Variants in ASCC3 observed in about 807,000 individuals in gnomAD.
ASCC3 encodes activating signal cointegrator 1 complex subunit 3.
A neutral mutation model predicts 256.3 loss-of-function variants in ASCC3; 158 were observed. The observed-to-expected ratio is 0.62, with a 90% CI of 0.54 to 0.70. The LOEUF is 0.70. Ranked by LOEUF, ASCC3 falls within the 30% of genes least tolerant of loss-of-function variation. The probability of loss-of-function intolerance (pLI) is 0.00; values close to 1 mark genes in which losing one functional copy is unlikely to be tolerated. For synonymous variants in ASCC3, 948 were observed against 883.4 expected, an observed-to-expected ratio of 1.07 and a Z score of -1.30; for missense variants, 2,259 against 2,626.0, an observed-to-expected ratio of 0.86 and a Z score of 3.05.
chr6:100,665,828 A>T lies in ASCC3; in HGVS notation c.2287-3292T>A, dbSNP rs546642900. ...TGTTCCTCATGTGATTTTAAAAATC[A>T]TCATAAAGCAAAACTATTTTTCCAC... On this transcript the variant is annotated intron_variant, in intron 14 of 41. Transcript: ENST00000369162. Among the ~76,000 whole-genome samples, 14 of 152,206 alleles carry T rather than the reference A, an allele frequency of 9.2e-5. No individual in the cohort carries two copies. The South Asian group carries it at 2.5e-3, about 27-fold the overall frequency.
chr6:100,726,914 A>G (rs1346456464), intron 10 of ASCC3, among the ~76,000 whole-genome samples: 3 of 152,038 alleles, frequency 2.0e-5, no homozygotes, highest in Non-Finnish European at 4.4e-5. Context: ...AACTGTTCCA[A>G]CTTTAGCCTG....
At chr6:100,706,133 G>C (rs546367948) in intron 13 of ASCC3, among the ~76,000 whole-genome samples, 1 of 151,816 alleles carries the variant, frequency 6.6e-6, no homozygotes, top group East Asian at 1.9e-4. Flanking sequence ...AGACTTCTCA[G>C]TCATCAGAGT....
At chr6:100,563,426 C>T (rs1158286154) in intron 36 of ASCC3, among the ~76,000 whole-genome samples, 1 of 152,260 alleles carries the variant, frequency 6.6e-6, no homozygotes, top group East Asian at 1.9e-4. Flanking sequence ...ATACGATTCA[C>T]CTCCTACTTG....
At chr6:100,673,986 T>C (rs1231268632) in intron 14 of ASCC3, among the ~76,000 whole-genome samples, 1 of 152,204 alleles carries the variant, frequency 6.6e-6, no homozygotes, top group Non-Finnish European at 1.5e-5. Flanking sequence ...TTAAAATTAC[T>C]GGCTTGAATT....
At chr6:100,877,117 T>C (rs998900314) in intron 1 of ASCC3, among the ~76,000 whole-genome samples, 1 of 152,174 alleles carries the variant, frequency 6.6e-6, no homozygotes, top group Non-Finnish European at 1.5e-5. Flanking sequence ...TAGGAAAAGA[T>C]AGTTACTGTA....
At chr6:100,761,403 G>A (rs184004325) in intron 10 of ASCC3, among the ~76,000 whole-genome samples, 19 of 152,246 alleles carry the variant, frequency 1.2e-4, no homozygotes, top group African/African-American at 3.9e-4. Context: ...GGAGAGGATC[G>A]CTTGAGCTCA....
chr6:100,821,569 T>C (rs917198546), intron 4 of ASCC3, among the ~76,000 whole-genome samples: 1 of 152,118 alleles, frequency 6.6e-6, no homozygotes, highest in Non-Finnish European at 1.5e-5. Flanking sequence ...TTCACGCCTA[T>C]AATCTCAGCA....
At chr6:100,642,157 G>T (rs1324685936) in intron 24 of ASCC3, among the ~76,000 whole-genome samples, 1 of 147,910 alleles carries the variant, frequency 6.8e-6, no homozygotes, top group Non-Finnish European at 1.5e-5. Context: ...AAAAGTTAAA[G>T]TATTAAAAAA....
chr6:100,798,985 C>T, intron 7 of ASCC3, 147 bp from the exon 8 acceptor site: 1 of 768,546 alleles, frequency 1.3e-6, no homozygotes, highest in East Asian at 2.9e-5. Flanking sequence ...AGAAAACAAA[C>T]TTAAATAAAA....
At chr6:100,555,034 G>C (rs1769497682) in intron 36 of ASCC3, among the ~76,000 whole-genome samples, 1 of 150,964 alleles carries the variant, frequency 6.6e-6, no homozygotes. Context: ...TAAAATAAAA[G>C]ACTATTATAA....
At chr6:100,672,795 C>A (rs1776815058) in intron 14 of ASCC3, among the ~76,000 whole-genome samples, 2 of 152,142 alleles carry the variant, frequency 1.3e-5, no homozygotes, top group South Asian at 4.2e-4. Context: ...AGAATGGTTT[C>A]TGTTCCTTTT....
At chr6:100,768,293 CA>C (rs1265338194) in intron 8 of ASCC3, among the ~76,000 whole-genome samples, 1 of 151,908 alleles carries the variant, frequency 6.6e-6, no homozygotes, top group East Asian at 1.9e-4. Context: ...TCCCTTTAAT[CA>C]AAAAGAAACT....
intron 10 of ASCC3, among the ~76,000 whole-genome samples, chr6:100,750,983 G>T (rs901148921): frequency 2.6e-5 from 4 of 152,110 alleles, no homozygotes; most frequent in Admixed American, 2.0e-4. Context: ...CATACTGTGA[G>T]GAATTTTACA....
At chr6:100,581,565 T>C (rs1385044343) in intron 36 of ASCC3, among the ~76,000 whole-genome samples, 1 of 150,702 alleles carries the variant, frequency 6.6e-6, no homozygotes, top group Admixed American at 6.6e-5. Flanking sequence ...TTTCTTTTGC[T>C]GTGCAGAAGC....
chr6:100,542,614 A>T (rs1376450589), intron 36 of ASCC3, among the ~76,000 whole-genome samples: 1 of 151,902 alleles, frequency 6.6e-6, no homozygotes, highest in East Asian at 1.9e-4. Flanking sequence ...CTCGGGAGGC[A>T]GAGGTTGCAG....
intron 36 of ASCC3, among the ~76,000 whole-genome samples, chr6:100,546,312 C>T (rs974651971): frequency 3.3e-5 from 5 of 152,132 alleles, no homozygotes; most frequent in African/African-American, 1.2e-4. Context: ...AGATTTAATA[C>T]AATTTCAGTT....
chr6:100,662,552 G>A lies in ASCC3; in HGVS notation c.2287-16C>T. 6.2e-7 allele frequency: 1 copy of A among 1,610,982 alleles called. No homozygotes were observed. Among genetic ancestry groups the A allele is most frequent in the South Asian group, 1.1e-5 (1 of 90,996 alleles). On this transcript the variant is annotated splice_polypyrimidine_tract_variant and intron_variant, in intron 14 of 41. Transcript: ENST00000369162. The stretch of plus-strand genomic sequence containing the variant: ...ACCTTTGTACCTAGATACCAAGAAA[G>A]CGTAAGAGTATTATTTAGCATTTAA...
Position 100,627,656 on chromosome 6 carries a change from T to A in ASCC3, c.4576A>T (p.Ile1526Phe). The part of the protein sequence containing the change: ...SVRPVPLEVH[I>F]QGFPGQHYCP... ...TAATGTTGACCTGGAAAGCCTTGAA[T>A]GTGAACTTCCAGTGGAACTGGGCGT... is the stretch of plus-strand genomic sequence containing the variant. Residue 1526 changes from isoleucine to phenylalanine, a missense_variant, in exon 29 of 42, where the codon ATT (isoleucine) becomes TTT (phenylalanine). By Grantham distance (21) the Ile-to-Phe change is conservative. Around this residue, in one of 2 missense-constraint regions of ASCC3, gnomAD observed 1,839 missense variants for 2,206.7 expected, o/e 0.83. Coordinates refer to ENST00000369162, the MANE Select transcript of ASCC3 (RefSeq NM_006828.4). The A allele has an allele frequency of 1.2e-6, 2 of 1,613,664 alleles. No individual in the cohort carries two copies. The highest frequency in any genetic ancestry group is 8.5e-7 in the Non-Finnish European group (1 of 1,179,758).
At chr6:100,664,635 T>C (rs1050062907) in intron 14 of ASCC3, among the ~76,000 whole-genome samples, 2 of 152,164 alleles carry the variant, frequency 1.3e-5, no homozygotes, top group African/African-American at 2.4e-5. Context: ...TTTATACATA[T>C]ACTTTAGGAC....
Sources: allele counts gnomAD v4.1 joint callset (sites outside exome capture counted in the v4.1 genomes callset), GRCh38; gene constraint gnomAD v4.1.1; regional missense constraint gnomAD v4.1.1; transcripts MANE v1.5; gene names NCBI Gene and HGNC (gene_info 2026-07-23, HGNC 2026-07-21).